Variants in KANK1 observed in about 807,000 individuals in gnomAD.
KANK1 encodes KN motif and ankyrin repeat domains 1.
Under a neutral mutation model 106.2 loss-of-function variants are expected in KANK1, and 109 were observed. The ratio of observed to expected loss-of-function variants is 1.03; its 90% CI spans 0.88 to 1.20. The LOEUF (loss-of-function observed/expected upper bound fraction) is 1.20. Among genes scored for constraint, KANK1 ranks in the 50% most tolerant of loss-of-function variants. The pLI is 0.00. For synonymous variants in KANK1, 873 were observed against 652.2 expected (o/e 1.34, Z -5.16); for missense variants, 2,399 against 1,710.7 (o/e 1.40, Z -7.10).
intron 1 of KANK1, among the ~76,000 whole-genome samples, chr9:508,777 A>C (rs1454316598): frequency 6.6e-6 from 1 of 152,132 alleles, no homozygotes; most frequent in South Asian, 2.1e-4. Context: ...ACTACAATTT[A>C]TCAATTTTTA....
At chr9:504,801 T>TGCCGCGCTGCGCC (rs1238554390) in intron 1 of KANK1, 47 bp downstream of exon 1, 4 of 10,174 alleles carry the variant, frequency 3.9e-4, no homozygotes, top group African/African-American at 1.5e-3. Flanking sequence ...CGCGGCGAGG[T>TGCCGCGCTGCGCC]TGTCCCGGAG....
rs1249850291 is a variant in KANK1, at chr9:623,607, AAAAAAAAAAGAAAAAG to A, written c.-83-53273_-83-53258del. Among the ~76,000 whole-genome samples the A allele has an allele frequency of 8.6e-5, 13 of 151,874 alleles. No individual in the cohort carries two copies. In the South Asian group the frequency reaches 1.5e-3, roughly 17 times the overall value. On this transcript the variant is annotated intron_variant, in intron 1 of 11. Coordinates refer to ENST00000382297, the MANE Select transcript of KANK1 (RefSeq NM_015158.5). ...GCAACAGAGTGAGATTGTGTCTCAA[AAAAAAAAAAGAAAAAG>A]AAAAAAAAAAGAAAAATGGTGCTTG...
intron 7 of KANK1, 93 bp downstream of exon 7, chr9:734,928 C>G (rs1424001722): frequency 1.4e-5 from 12 of 869,168 alleles, no homozygotes; most frequent in Non-Finnish European, 2.1e-5. Flanking sequence ...CGAGCTGTTG[C>G]TTGCATGCTT....
At chr9:556,828 C>A (rs1452802811) in intron 1 of KANK1, among the ~76,000 whole-genome samples, 2 of 152,172 alleles carry the variant, frequency 1.3e-5, no homozygotes, top group African/African-American at 4.8e-5. Flanking sequence ...TCGCTTGTTA[C>A]AGACTCACTT....
intron 2 of KANK1, among the ~76,000 whole-genome samples, chr9:696,943 C>G (rs946384835): frequency 2.0e-5 from 3 of 152,122 alleles, no homozygotes; most frequent in Non-Finnish European, 4.4e-5. Flanking sequence ...CATTGATGCA[C>G]AGATGAAGAA....
intron 2 of KANK1, among the ~76,000 whole-genome samples, chr9:704,790 G>C (rs552774824): frequency 6.6e-6 from 1 of 151,964 alleles, no homozygotes; most frequent in East Asian, 1.9e-4. Flanking sequence ...AGACCAGCCT[G>C]AGCAAAATAG....
intron 1 of KANK1, among the ~76,000 whole-genome samples, chr9:532,030 C>G (rs973810170): frequency 6.6e-6 from 1 of 152,118 alleles, no homozygotes; most frequent in East Asian, 1.9e-4. Context: ...GTAAAACATT[C>G]ATTGGACATG....
intron 1 of KANK1, among the ~76,000 whole-genome samples, chr9:586,527 G>T (rs548063551): frequency 6.6e-6 from 1 of 152,274 alleles, no homozygotes; most frequent in Non-Finnish European, 1.5e-5. Flanking sequence ...AATGACGAGA[G>T]AGATGACTTG....
At chr9:530,436 G>A (rs2060004259) in intron 1 of KANK1, among the ~76,000 whole-genome samples, 1 of 151,882 alleles carries the variant, frequency 6.6e-6, no homozygotes, top group South Asian at 2.1e-4. Context: ...TTTCCCAGAT[G>A]GCTACTGGTT....
chr9:563,990 T>G (rs1374803978), intron 1 of KANK1, among the ~76,000 whole-genome samples: 1 of 152,210 alleles, frequency 6.6e-6, no homozygotes, highest in Non-Finnish European at 1.5e-5. Context: ...GATCTTTGTC[T>G]TACTTAGTCT....
At chr9:726,645 G>T (rs10976090) in intron 3 of KANK1, among the ~76,000 whole-genome samples, 1 of 151,720 alleles carries the variant, frequency 6.6e-6, no homozygotes, top group Non-Finnish European at 1.5e-5. Flanking sequence ...CTCGAAAGAA[G>T]AAAACTTGAA....
At chr9:616,469 G>C (rs7028974) in intron 1 of KANK1, among the ~76,000 whole-genome samples, 12,666 of 152,118 alleles carry the variant, frequency 0.083, 774 homozygotes, top group African/African-American at 0.18. Context: ...TGTCATTTAA[G>C]CTAAAAGCTG....
chr9:583,488 C>T (rs928275053), intron 1 of KANK1, among the ~76,000 whole-genome samples: 34 of 151,890 alleles, frequency 2.2e-4, no homozygotes, highest in Non-Finnish European at 4.1e-4. Flanking sequence ...AAATAAAATA[C>T]GCTGGGGAAA....
At chr9:707,297 G>C (rs1039249967) in intron 2 of KANK1, 14 of 931,720 alleles carry the variant, frequency 1.5e-5, no homozygotes, top group Non-Finnish European at 1.8e-5. Context: ...CCGAATTCCG[G>C]GGGGCCTGGG....
chr9:478,523 G>C (rs1321480194), intron 3 of KANK1: 1 of 152,238 alleles, frequency 6.6e-6, no homozygotes, highest in African/African-American at 2.4e-5. Context: ...CAGAGACATT[G>C]CTAAAAGATG....
chr9:474,164 C>G (rs2058066461), intron 3 of KANK1, among the ~76,000 whole-genome samples: 1 of 152,144 alleles, frequency 6.6e-6, no homozygotes, highest in South Asian at 2.1e-4. Context: ...TGGATAGGTA[C>G]CTGCCTATCT....
chr9:475,422 C>T (rs956206434), intron 3 of KANK1, among the ~76,000 whole-genome samples: 3 of 152,130 alleles, frequency 2.0e-5, no homozygotes, highest in Non-Finnish European at 4.4e-5. Flanking sequence ...TGCACTTGAT[C>T]TCACAAGGTG....
In KANK1 at chr9:711,705, G is replaced by C. The variant is rs777200466; in HGVS notation, c.939G>C (p.Gln313His). The C allele has an allele frequency of 1.9e-6, 3 of 1,614,098 alleles. No individual in the cohort carries two copies. Among genetic ancestry groups the C allele is most frequent in the Admixed American group, 3.3e-5 (2 of 60,010 alleles). The change falls in exon 3 of 12, where the codon CAG (glutamine) becomes CAC (histidine). Residue 313 changes from glutamine (Q) to histidine (H), a missense_variant. Coordinates refer to ENST00000382297, the MANE Select transcript of KANK1 (RefSeq NM_015158.5). ...TGAAAAACCAAAGGGCTGCATCCCA[G>C]ATCAATGTCTGTGGTGTGAGGAAGC... is the stretch of plus-strand genomic sequence containing the variant. The part of the protein sequence containing the change: ...SQLKNQRAAS[Q>H]INVCGVRKRS...
rs988310762 is a variant in KANK1, at chr9:745,654, T to C, written c.*419T>C. ...CTTCCAAAATCTCATTCCAGCATAG[T>C]TTTGGATTTTTCTTTTGTCTTATTT... On this transcript the variant is annotated 3_prime_UTR_variant, in exon 12 of 12. Coordinates refer to ENST00000382297, the MANE Select transcript of KANK1 (RefSeq NM_015158.5). 5.9e-5 allele frequency: 9 copies of C among 153,042 alleles called. No homozygotes were observed. Among genetic ancestry groups the C allele is most frequent in the African/African-American group, 2.2e-4 (9 of 41,496 alleles). 9.5% of individuals were successfully genotyped at this position (153,042 alleles called of 1,614,324 possible). A position where few individuals can be genotyped will look rare whatever the true frequency, so the allele number is the denominator to read the frequency against.
Sources: gnomAD v4.1 joint callset for allele counts (sites outside exome capture counted in the v4.1 genomes callset) on GRCh38, gnomAD v4.1.1 for gene constraint, MANE v1.5 for transcripts, NCBI Gene and HGNC (gene_info 2026-07-23, HGNC 2026-07-21) for gene names.